Variants in NRG1 observed in about 807,000 individuals in gnomAD.
The protein encoded by NRG1 is pro-neuregulin-1, membrane-bound isoform.
Under a neutral mutation model 63.8 loss-of-function variants are expected in NRG1, and 18 were observed. The observed-to-expected ratio is 0.28, with a 90% CI of 0.19 to 0.42. The LOEUF (loss-of-function observed/expected upper bound fraction) is 0.42, where lower values mean the gene tolerates loss of function less well. Among genes scored for constraint, NRG1 ranks in the 10% least tolerant of loss-of-function variants. The probability of loss-of-function intolerance (pLI) is 1.00; values close to 1 mark genes in which losing one functional copy is unlikely to be tolerated. For missense variants in NRG1, 762 were observed against 814.7 expected (o/e 0.94, Z 0.79); for synonymous variants, 302 against 301.3 (o/e 1.00, Z -0.02).
chr8:31,896,721 A>G (rs755770314), intron 1 of NRG1, among the ~76,000 whole-genome samples: 4 of 152,188 alleles, frequency 2.6e-5, no homozygotes, highest in Non-Finnish European at 5.9e-5. Context: ...TCACACTTTA[A>G]GAAGTATTAT....
chr8:32,525,124 G>A (rs770175705), intron 1 of NRG1, among the ~76,000 whole-genome samples: 6 of 152,180 alleles, frequency 3.9e-5, no homozygotes, highest in Non-Finnish European at 8.8e-5. Context: ...TATGAGATGG[G>A]CACTTGGGAG....
intron 1 of NRG1, among the ~76,000 whole-genome samples, chr8:32,502,543 TTC>T (rs201785607): frequency 3.4e-5 from 5 of 148,886 alleles, no homozygotes; most frequent in African/African-American, 5.0e-5. Context: ...CTCTCTTCTG[TTC>T]TCTCTCTCTC....
intron 1 of NRG1, among the ~76,000 whole-genome samples, chr8:32,364,798 A>AAAG (rs1377979307): frequency 6.6e-6 from 1 of 152,136 alleles, no homozygotes; most frequent in African/African-American, 2.4e-5. Flanking sequence ...CTGATATATC[A>AAAG]AAGTGTCTGT....
chr8:32,517,767 T>C (rs1262231632), intron 1 of NRG1, among the ~76,000 whole-genome samples: 1 of 152,194 alleles, frequency 6.6e-6, no homozygotes, highest in Admixed American at 6.5e-5. Flanking sequence ...CTGGCCTGTA[T>C]GGGGTCATTT....
At chr8:32,195,166 G>T (rs766545745) in intron 1 of NRG1, among the ~76,000 whole-genome samples, 1 of 152,208 alleles carries the variant, frequency 6.6e-6, no homozygotes, top group Middle Eastern at 3.4e-3. Context: ...CACTGAGCAG[G>T]CTGGGTGCTA....
chr8:32,357,584 T>A (rs531958378), intron 1 of NRG1, among the ~76,000 whole-genome samples: 2 of 152,348 alleles, frequency 1.3e-5, no homozygotes, highest in East Asian at 1.9e-4. Context: ...TTGACATGAT[T>A]ACGTAATTGT....
At chr8:31,847,296 G>A (rs1230574370) in intron 1 of NRG1, among the ~76,000 whole-genome samples, 2 of 144,064 alleles carry the variant, frequency 1.4e-5, no homozygotes, top group African/African-American at 5.1e-5. Context: ...GACTTTAAAA[G>A]ACATTAAGCC....
intron 1 of NRG1, among the ~76,000 whole-genome samples, chr8:32,510,588 G>C (rs1479235526): frequency 6.6e-6 from 1 of 152,080 alleles, no homozygotes; most frequent in Non-Finnish European, 1.5e-5. Flanking sequence ...TTCTTTGGAG[G>C]AGTAGAAGGT....
rs113458000 is a variant in NRG1, at chr8:31,925,349, C to A, written c.37+285918C>A. Among the ~76,000 whole-genome samples the A allele has an allele frequency of 9.7e-3, 1,465 of 150,912 alleles. 25 individuals are homozygous for A. The highest frequency in any genetic ancestry group is 0.033 in the African/African-American group (1,378 of 41,144). On this transcript the variant is annotated intron_variant, in intron 1 of 10. Transcript: ENST00000519301. Reference sequence around the variant, plus strand: ...TTATCAGTATTTTTTTCATATTTATCTCTAGAAATGCTTTGAAGCCTAATT... The same window carrying A: ...TTATCAGTATTTTTTTCATATTTATATCTAGAAATGCTTTGAAGCCTAATT...
chr8:31,894,946 A>G (rs1345548664), intron 1 of NRG1, among the ~76,000 whole-genome samples: 1 of 152,236 alleles, frequency 6.6e-6, no homozygotes, highest in African/African-American at 2.4e-5. Flanking sequence ...GTTTAAAAAC[A>G]TCTCTGAGGA....
intron 1 of NRG1, among the ~76,000 whole-genome samples, chr8:32,539,220 A>G (rs1443299785): frequency 6.6e-6 from 1 of 152,220 alleles, no homozygotes; most frequent in Non-Finnish European, 1.5e-5. Flanking sequence ...TTATAGCAGC[A>G]GGAATCTAAT....
intron 1 of NRG1, among the ~76,000 whole-genome samples, chr8:31,905,285 C>T (rs1242660392): frequency 2.6e-5 from 4 of 152,032 alleles, no homozygotes; most frequent in African/African-American, 9.7e-5. Flanking sequence ...ATATTAAAAC[C>T]AAATAATTTC....
intron 1 of NRG1, among the ~76,000 whole-genome samples, chr8:32,117,770 G>C (rs1832926586): frequency 6.6e-6 from 1 of 151,928 alleles, no homozygotes; most frequent in Non-Finnish European, 1.5e-5. Context: ...TCTTAACCTG[G>C]TTCTTTGACA....
At chr8:31,736,837 G>A (rs999906250) in intron 1 of NRG1, among the ~76,000 whole-genome samples, 3 of 152,110 alleles carry the variant, frequency 2.0e-5, no homozygotes, top group Non-Finnish European at 2.9e-5. Flanking sequence ...TTTGTCATAT[G>A]TATGTATGTA....
At chr8:32,228,835 G>C (rs1200650310) in intron 1 of NRG1, among the ~76,000 whole-genome samples, 1 of 152,112 alleles carries the variant, frequency 6.6e-6, no homozygotes, top group Non-Finnish European at 1.5e-5. Context: ...TACTTACCAA[G>C]TTAAACGACC....
At chr8:31,696,107 G>A (rs542153000) in intron 1 of NRG1, among the ~76,000 whole-genome samples, 5 of 152,130 alleles carry the variant, frequency 3.3e-5, no homozygotes, top group South Asian at 4.2e-4. Flanking sequence ...TTACTCTGTC[G>A]CCCAGGCTGG....
At chr8:31,691,998 A>G (rs1190426177) in intron 1 of NRG1, among the ~76,000 whole-genome samples, 4 of 151,922 alleles carry the variant, frequency 2.6e-5, no homozygotes, top group Non-Finnish European at 5.9e-5. Flanking sequence ...ACACTCAGCT[A>G]ATTTATTTAT....
At chr8:32,746,381 A>C (rs901150487) in intron 7 of NRG1, among the ~76,000 whole-genome samples, 3 of 152,206 alleles carry the variant, frequency 2.0e-5, no homozygotes, top group Non-Finnish European at 4.4e-5. Context: ...CTTTGAAATG[A>C]TTAGCATAAA....
chr8:32,286,422 T>G (rs2129473659), intron 1 of NRG1, among the ~76,000 whole-genome samples: 1 of 152,354 alleles, frequency 6.6e-6, no homozygotes, highest in African/African-American at 2.4e-5. Context: ...CAGCCAGGGC[T>G]GCAGTGATGA....
Sources: gnomAD v4.1 joint callset for allele counts (sites outside exome capture counted in the v4.1 genomes callset) on GRCh38, gnomAD v4.1.1 for gene constraint, MANE v1.5 for transcripts, NCBI Gene and HGNC (gene_info 2026-07-23, HGNC 2026-07-21) for gene names.